Variants in LRMDA observed in about 807,000 individuals in gnomAD.
The protein encoded by LRMDA is leucine rich melanocyte differentiation associated.
Under a neutral mutation model 29.8 loss-of-function variants are expected in LRMDA, and 18 were observed. The observed-to-expected ratio is 0.60, with a 90% CI of 0.42 to 0.90. LRMDA has a LOEUF of 0.90. Among genes scored for constraint, LRMDA ranks in the 40% least tolerant of loss-of-function variants. LRMDA has a pLI of 0.00. For missense variants in LRMDA, 273 were observed against 273.9 expected (o/e 1.00, Z 0.02); for synonymous variants, 125 against 109.4 (o/e 1.14, Z -0.89).
At chr10:75,675,093 G>GTCT (rs761419866) in intron 2 of LRMDA, among the ~76,000 whole-genome samples, 1 of 152,180 alleles carries the variant, frequency 6.6e-6, no homozygotes, top group Non-Finnish European at 1.5e-5. Context: ...GTGGGATCAT[G>GTCT]TCTTCTTCTT....
intron 2 of LRMDA, among the ~76,000 whole-genome samples, chr10:76,025,314 T>C (rs952740210): frequency 1.4e-5 from 2 of 147,580 alleles, no homozygotes; most frequent in Non-Finnish European, 3.0e-5. Context: ...CACCTGCTCC[T>C]TGTCTCTGTC....
chr10:76,363,619 CT>C (rs144365454), intron 6 of LRMDA, among the ~76,000 whole-genome samples: 3,013 of 152,008 alleles, frequency 0.02, 99 homozygotes, highest in African/African-American at 0.068. Context: ...ACATGGAATA[CT>C]TTTGCTTACT....
rs2132352110 is a variant in LRMDA, at chr10:75,889,562, G to T, written c.132-146446G>T. On this transcript the variant is annotated intron_variant, in intron 2 of 6. Transcript: ENST00000611255. ...TGGTATTAAATCATGCTTAAAGATG[G>T]AGGTAACTGTGAGCAGCAAGAATGG... 1.3e-5 allele frequency among the ~76,000 whole-genome samples: 2 copies of T among 152,300 alleles called. 1 individual carries two copies. The highest frequency in any genetic ancestry group is 4.1e-4 in the South Asian group (2 of 4,822).
chr10:75,659,667 A>G (rs1025420968), intron 2 of LRMDA, among the ~76,000 whole-genome samples: 4 of 152,230 alleles, frequency 2.6e-5, no homozygotes, highest in Non-Finnish European at 5.9e-5. Context: ...CTGTTGGTCA[A>G]AGGATACAAA....
chr10:75,958,541 G>A (rs937797178), intron 2 of LRMDA, among the ~76,000 whole-genome samples: 1 of 150,864 alleles, frequency 6.6e-6, no homozygotes, highest in African/African-American at 2.4e-5. Context: ...TCCTGGCCTG[G>A]AGCATCCCCT....
At chr10:76,491,210 A>G (rs1370029066) in intron 6 of LRMDA, among the ~76,000 whole-genome samples, 4 of 152,016 alleles carry the variant, frequency 2.6e-5, no homozygotes, top group Non-Finnish European at 5.9e-5. Flanking sequence ...AATAGTTTAC[A>G]TACCACAATT....
intron 2 of LRMDA, among the ~76,000 whole-genome samples, chr10:75,538,666 T>C (rs149935847): frequency 6.6e-6 from 1 of 152,300 alleles, no homozygotes; most frequent in Admixed American, 6.5e-5. Flanking sequence ...ATTTCTTAGC[T>C]TTCTCATCTA....
chr10:75,817,835 GA>G (rs1311046089), intron 2 of LRMDA, among the ~76,000 whole-genome samples: 1 of 152,204 alleles, frequency 6.6e-6, no homozygotes, highest in Non-Finnish European at 1.5e-5. Context: ...ACACCCAAGA[GA>G]AAGTGACTTA....
intron 2 of LRMDA, among the ~76,000 whole-genome samples, chr10:75,706,831 C>T (rs149165885): frequency 6.6e-6 from 1 of 150,984 alleles, no homozygotes. Flanking sequence ...AAGTCAGGTC[C>T]ACCCTGCCAT....
At chr10:76,344,764 G>C (rs111339610) in intron 6 of LRMDA, among the ~76,000 whole-genome samples, 1 of 151,978 alleles carries the variant, frequency 6.6e-6, no homozygotes, top group African/African-American at 2.4e-5. Flanking sequence ...TGGTAAAGTA[G>C]TATCTTAAAT....
chr10:76,228,055 C>T (rs1851992695), intron 5 of LRMDA, among the ~76,000 whole-genome samples: 1 of 150,288 alleles, frequency 6.7e-6, no homozygotes, highest in East Asian at 1.9e-4. Context: ...CAGAGTCTCG[C>T]TCTGTTGCTA....
chr10:75,620,643 A>G (rs1445169867), intron 2 of LRMDA, among the ~76,000 whole-genome samples: 1 of 152,094 alleles, frequency 6.6e-6, no homozygotes, highest in Non-Finnish European at 1.5e-5. Context: ...GTCACACTCC[A>G]TCACTCCAAT....
At position 75,872,026 on chromosome 10, in the gene LRMDA, TA is replaced by T. The variant is rs568761734; in HGVS notation, c.132-163981del. The stretch of plus-strand genomic sequence containing the variant: ...GGCATTCCTCCTCCTCATTGCTTAG[TA>T]GTGATCTTCACCTCCACTAACTTGA... On this transcript the variant is annotated intron_variant, in intron 2 of 6. Coordinates refer to ENST00000611255, the MANE Select transcript of LRMDA (RefSeq NM_001305581.2). Among the ~76,000 whole-genome samples the T allele has an allele frequency of 2.0e-3, 308 of 152,368 alleles. 2 individuals carry two copies. The highest frequency in any genetic ancestry group is 6.9e-3 in the African/African-American group (288 of 41,590).
intron 2 of LRMDA, among the ~76,000 whole-genome samples, chr10:75,972,057 G>C (rs981687229): frequency 1.3e-5 from 2 of 152,192 alleles, no homozygotes; most frequent in Non-Finnish European, 2.9e-5. Context: ...GGCAAGAAAG[G>C]GGGAGTGAGA....
At chr10:76,526,442 C>G (rs1843175000) in intron 6 of LRMDA, among the ~76,000 whole-genome samples, 1 of 152,104 alleles carries the variant, frequency 6.6e-6, no homozygotes, top group African/African-American at 2.4e-5. Flanking sequence ...ATGTCTTTCC[C>G]TTATGAGGCA....
At chr10:76,326,532 A>ATT (rs1184804117) in intron 6 of LRMDA, among the ~76,000 whole-genome samples, 1 of 152,182 alleles carries the variant, frequency 6.6e-6, no homozygotes, top group Non-Finnish European at 1.5e-5. Context: ...CTCAAGTGAA[A>ATT]TTCTCCATGA....
chr10:75,878,862 C>G (rs1310156004), intron 2 of LRMDA, among the ~76,000 whole-genome samples: 1 of 152,162 alleles, frequency 6.6e-6, no homozygotes, highest in Non-Finnish European at 1.5e-5. Flanking sequence ...AGACTGTCAT[C>G]TCTGTCTCAG....
intron 6 of LRMDA, among the ~76,000 whole-genome samples, chr10:76,386,573 C>T (rs1360157404): frequency 1.3e-5 from 2 of 152,086 alleles, no homozygotes; most frequent in East Asian, 3.9e-4. Flanking sequence ...ATGTTCTTAA[C>T]ACCTACAAGA....
intron 6 of LRMDA, among the ~76,000 whole-genome samples, chr10:76,470,154 C>A (rs1036168456): frequency 5.9e-5 from 9 of 151,970 alleles, no homozygotes; most frequent in African/African-American, 1.9e-4. Flanking sequence ...AACTGAGAAG[C>A]TTTATTTGCT....
Sources: gnomAD v4.1 joint callset for allele counts (sites outside exome capture counted in the v4.1 genomes callset) on GRCh38, gnomAD v4.1.1 for gene constraint, MANE v1.5 for transcripts, NCBI Gene and HGNC (gene_info 2026-07-23, HGNC 2026-07-21) for gene names.